Variants in TMTC2 observed in about 807,000 individuals in gnomAD.
The protein encoded by TMTC2 is transmembrane O-mannosyltransferase targeting cadherins 2, also known as protein O-mannosyl-transferase TMTC2.
TMTC2 carries 43 observed loss-of-function variants against 82.4 expected under a neutral mutation model. The observed-to-expected ratio is 0.52, with a 90% CI of 0.41 to 0.67. The LOEUF (loss-of-function observed/expected upper bound fraction) is 0.67, where lower values mean the gene tolerates loss of function less well. Among genes scored for constraint, TMTC2 ranks in the 30% least tolerant of loss-of-function variants. TMTC2 has a pLI of 0.00. For missense variants in TMTC2, 919 were observed against 1,012.4 expected (o/e 0.91, Z 1.25); for synonymous variants, 408 against 381.9 (o/e 1.07, Z -0.80).
intron 1 of TMTC2, among the ~76,000 whole-genome samples, chr12:82,776,235 A>T (rs1877588485): frequency 6.6e-6 from 1 of 152,098 alleles, no homozygotes; most frequent in African/African-American, 2.4e-5. Context: ...ACATATGCTA[A>T]ATGTAATGTA....
intron 1 of TMTC2, among the ~76,000 whole-genome samples, chr12:82,772,863 CA>C (rs577306459): frequency 3.5e-4 from 53 of 152,192 alleles, no homozygotes; most frequent in African/African-American, 1.2e-3. Flanking sequence ...GGTGTTGACA[CA>C]AATGGGAAAG....
intron 1 of TMTC2, among the ~76,000 whole-genome samples, chr12:82,826,428 A>G (rs2137070542): frequency 6.6e-6 from 1 of 152,272 alleles, no homozygotes; most frequent in Non-Finnish European, 1.5e-5. Context: ...TTCATCTTTT[A>G]TACTCCATGC....
chr12:82,836,960 A>G (rs1382885745), intron 1 of TMTC2, among the ~76,000 whole-genome samples: 1 of 152,188 alleles, frequency 6.6e-6, no homozygotes, highest in East Asian at 1.9e-4. Flanking sequence ...CTAGTCTGCC[A>G]TCACTTTTTT....
At chr12:83,077,635 T>C (rs1013061188) in intron 11 of TMTC2, among the ~76,000 whole-genome samples, 1 of 151,954 alleles carries the variant, frequency 6.6e-6, no homozygotes, top group South Asian at 2.1e-4. Flanking sequence ...AGTGCAGTGG[T>C]GCCATCTCAG....
intron 11 of TMTC2, among the ~76,000 whole-genome samples, chr12:83,083,201 A>G (rs1466695304): frequency 1.3e-5 from 2 of 152,222 alleles, no homozygotes; most frequent in Non-Finnish European, 2.9e-5. Context: ...TATTATTCAA[A>G]CAGAATGAAT....
chr12:82,844,237 T>C (rs1870503684), intron 1 of TMTC2, among the ~76,000 whole-genome samples: 1 of 152,208 alleles, frequency 6.6e-6, no homozygotes, highest in African/African-American at 2.4e-5. Flanking sequence ...AGGATGTGAA[T>C]TTTTTTAAAG....
chr12:82,968,150 A>C (rs2137308645), intron 7 of TMTC2, among the ~76,000 whole-genome samples: 1 of 152,278 alleles, frequency 6.6e-6, no homozygotes, highest in African/African-American at 2.4e-5. Flanking sequence ...GTCTCTGGGA[A>C]TCTCACCCTC....
intron 1 of TMTC2, among the ~76,000 whole-genome samples, chr12:82,714,462 T>A (rs1873801569): frequency 6.6e-6 from 1 of 152,348 alleles, no homozygotes; most frequent in South Asian, 2.1e-4. Flanking sequence ...AAATTGTGTC[T>A]GTCCTTTTTT....
intron 3 of TMTC2, among the ~76,000 whole-genome samples, chr12:82,899,262 T>A (rs762928135): frequency 1.3e-5 from 2 of 152,106 alleles, no homozygotes; most frequent in Non-Finnish European, 2.9e-5. Flanking sequence ...ACTGCCTTAC[T>A]TGCAGGCTTT....
chr12:82,865,253 A>G (rs1871786156), intron 2 of TMTC2, among the ~76,000 whole-genome samples: 1 of 152,080 alleles, frequency 6.6e-6, no homozygotes, highest in Non-Finnish European at 1.5e-5. Flanking sequence ...ACTGTGCTGT[A>G]TTCAGGAAAC....
At chr12:82,785,684 T>C (rs1878145583) in intron 1 of TMTC2, among the ~76,000 whole-genome samples, 1 of 152,086 alleles carries the variant, frequency 6.6e-6, no homozygotes, top group Non-Finnish European at 1.5e-5. Context: ...AATAAAATAA[T>C]GATATCGAAG....
intron 7 of TMTC2, among the ~76,000 whole-genome samples, chr12:82,976,454 C>T (rs1012386957): frequency 5.3e-5 from 8 of 152,078 alleles, no homozygotes; most frequent in Admixed American, 5.2e-4. Flanking sequence ...TTCAAAACTA[C>T]ACTTTCAGAC....
intron 1 of TMTC2, among the ~76,000 whole-genome samples, chr12:82,781,671 T>C (rs895006809): frequency 1.3e-5 from 2 of 151,846 alleles, no homozygotes; most frequent in Non-Finnish European, 2.9e-5. Context: ...TTCTTTTCTT[T>C]TTCTTTCTTT....
intron 1 of TMTC2, among the ~76,000 whole-genome samples, chr12:82,716,564 G>A (rs946071829): frequency 3.1e-4 from 47 of 151,754 alleles, no homozygotes; most frequent in Admixed American, 3.0e-3. Context: ...GGGTTTCACC[G>A]TGTTAGCCAG....
At chr12:82,896,995 TAATAA>T (rs1356753318) in intron 3 of TMTC2, among the ~76,000 whole-genome samples, 2 of 152,190 alleles carry the variant, frequency 1.3e-5, no homozygotes, top group Non-Finnish European at 2.9e-5. Context: ...TTTTATCATA[TAATAA>T]AAGTTAGGCT....
At chr12:83,099,584 T>C (rs571828457) in intron 11 of TMTC2, among the ~76,000 whole-genome samples, 30 of 152,218 alleles carry the variant, frequency 2.0e-4, no homozygotes, top group Non-Finnish European at 3.8e-4. Context: ...AAGAAATATG[T>C]TTGTATATGT....
chr12:83,063,126 G>T (rs1882801156), intron 11 of TMTC2, among the ~76,000 whole-genome samples: 1 of 151,660 alleles, frequency 6.6e-6, no homozygotes, highest in African/African-American at 2.4e-5. Context: ...GAAGACAAAA[G>T]GTTATGATCT....
At chr12:83,067,318 A>G (rs1191580021) in intron 11 of TMTC2, among the ~76,000 whole-genome samples, 1 of 151,988 alleles carries the variant, frequency 6.6e-6, no homozygotes, top group African/African-American at 2.4e-5. Flanking sequence ...TGATGTTTGG[A>G]AATAAATATT....
intron 8 of TMTC2, among the ~76,000 whole-genome samples, chr12:83,018,398 C>A (rs1215386221): frequency 6.6e-6 from 1 of 152,162 alleles, no homozygotes; most frequent in Non-Finnish European, 1.5e-5. Flanking sequence ...CTCATGCTAT[C>A]GCTAAGCAGT....
Sources: gnomAD v4.1 joint callset for allele counts (sites outside exome capture counted in the v4.1 genomes callset) on GRCh38, gnomAD v4.1.1 for gene constraint, MANE v1.5 for transcripts, NCBI Gene and HGNC (gene_info 2026-07-23, HGNC 2026-07-21) for gene names.